Variants in CNBD1 observed in about 807,000 individuals in gnomAD.
CNBD1 encodes the protein cyclic nucleotide binding domain containing 1, also known as cyclic nucleotide-binding domain-containing protein 1.
Under a neutral mutation model 54.4 loss-of-function variants are expected in CNBD1, and 71 were observed. The ratio of observed to expected loss-of-function variants is 1.30; its 90% CI spans 1.08 to 1.59. CNBD1 has a LOEUF of 1.59. CNBD1 is among the 40% of genes most tolerant of loss of function. The pLI is 0.00. For synonymous variants in CNBD1, 182 were observed against 170.7 expected (o/e 1.07, Z -0.51); for missense variants, 659 against 518.0 (o/e 1.27, Z -2.64).
chr8:86,881,899 A>C (rs1251458597), intron 1 of CNBD1, among the ~76,000 whole-genome samples: 1 of 152,174 alleles, frequency 6.6e-6, no homozygotes, highest in Non-Finnish European at 1.5e-5. Flanking sequence ...CAAGCCTGAC[A>C]AAAATAGGTA....
At chr8:87,069,521 A>G (rs1810719369) in intron 4 of CNBD1, among the ~76,000 whole-genome samples, 1 of 152,084 alleles carries the variant, frequency 6.6e-6, no homozygotes, top group African/African-American at 2.4e-5. Flanking sequence ...AGGCTATACC[A>G]TATAGCCTAG....
intron 2 of CNBD1, among the ~76,000 whole-genome samples, chr8:87,403,987 T>C (rs549243605): frequency 3.5e-4 from 54 of 152,174 alleles, no homozygotes; most frequent in Admixed American, 5.9e-4. Context: ...TTCTTTTAGT[T>C]TACACTTCAG....
intron 5 of CNBD1, among the ~76,000 whole-genome samples, chr8:87,214,777 C>T (rs1021021677): frequency 2.0e-5 from 3 of 152,174 alleles, no homozygotes; most frequent in African/African-American, 7.2e-5. Context: ...GAGAGCCAAG[C>T]GAAAATGGAA....
At chr8:87,385,574 G>A (rs533020790), downstream of CNBD1, among the ~76,000 whole-genome samples, 7 of 152,230 alleles carry the variant, frequency 4.6e-5, no homozygotes, top group East Asian at 1.4e-3. Context: ...TGGGGGAGGG[G>A]CGCCCACCGT....
intron 3 of CNBD1, among the ~76,000 whole-genome samples, chr8:86,932,899 G>A (rs573934095): frequency 4.0e-5 from 6 of 151,808 alleles, no homozygotes; most frequent in African/African-American, 7.3e-5. Flanking sequence ...GAATAGTTGC[G>A]CTCACTGAAG....
chr8:87,165,135 A>G (rs1010204766), intron 4 of CNBD1, among the ~76,000 whole-genome samples: 1 of 151,866 alleles, frequency 6.6e-6, no homozygotes, highest in African/African-American at 2.4e-5. Context: ...ACTTGATTAA[A>G]TTCAGTCTCC....
chr8:86,921,351 T>C (rs188038836), intron 3 of CNBD1, among the ~76,000 whole-genome samples: 69 of 152,266 alleles, frequency 4.5e-4, no homozygotes, highest in Non-Finnish European at 7.8e-4. Flanking sequence ...GTGTTTTTTT[T>C]TAAGTCAGCC....
intron 8 of CNBD1, among the ~76,000 whole-genome samples, chr8:87,311,909 A>G (rs973185999): frequency 2.0e-5 from 3 of 152,084 alleles, no homozygotes. Flanking sequence ...ACTCATGGAC[A>G]TAAAGGTGCC....
At chr8:87,077,527 A>G (rs1810898905) in intron 4 of CNBD1, among the ~76,000 whole-genome samples, 1 of 149,052 alleles carries the variant, frequency 6.7e-6, no homozygotes, top group Admixed American at 6.7e-5. Flanking sequence ...CGTCATTTAC[A>G]TTAGGTATTT....
At chr8:87,334,724 C>CT (rs1227796537) in intron 8 of CNBD1, among the ~76,000 whole-genome samples, 113 of 113,228 alleles carry the variant, frequency 1.0e-3, no homozygotes, top group South Asian at 1.9e-3. Flanking sequence ...TTTTTCTTTT[C>CT]TTTTTTTTTT....
intron 4 of CNBD1, among the ~76,000 whole-genome samples, chr8:87,165,809 T>C (rs1270640607): frequency 6.6e-6 from 1 of 152,008 alleles, no homozygotes; most frequent in Non-Finnish European, 1.5e-5. Flanking sequence ...CATTACCACT[T>C]GGTTTTTATT....
chr8:87,276,437 A>G (rs568492666), intron 6 of CNBD1, among the ~76,000 whole-genome samples: 132 of 151,988 alleles, frequency 8.7e-4, no homozygotes, highest in Middle Eastern at 6.8e-3. Context: ...CTTGGATGCC[A>G]TGGTCTGGTT....
At chr8:87,061,626 AT>A (rs1039606518) in intron 4 of CNBD1, among the ~76,000 whole-genome samples, 2 of 152,122 alleles carry the variant, frequency 1.3e-5, no homozygotes, top group African/African-American at 4.8e-5. Context: ...CCATTCTGAG[AT>A]TTGTTTAAGA....
intron 6 of CNBD1, among the ~76,000 whole-genome samples, chr8:87,277,945 T>C (rs896458385): frequency 1.3e-5 from 2 of 151,626 alleles, no homozygotes; most frequent in East Asian, 3.9e-4. Context: ...ACAATAATAA[T>C]AATATTTCCA....
intron 2 of CNBD1, among the ~76,000 whole-genome samples, chr8:87,395,264 A>G (rs1009190389): frequency 6.6e-6 from 1 of 151,940 alleles, no homozygotes; most frequent in Non-Finnish European, 1.5e-5. Context: ...ATGAGGATAC[A>G]TAGCTTCCTG....
intron 4 of CNBD1, among the ~76,000 whole-genome samples, chr8:87,200,534 CAA>C (rs1212369565): frequency 2.6e-5 from 4 of 151,840 alleles, no homozygotes; most frequent in Non-Finnish European, 5.9e-5. Context: ...AAGAAAAAAG[CAA>C]AGAGAAGACT....
intron 8 of CNBD1, among the ~76,000 whole-genome samples, chr8:87,289,481 T>A (rs1160338114): frequency 1.3e-5 from 2 of 152,112 alleles, no homozygotes; most frequent in Non-Finnish European, 2.9e-5. Flanking sequence ...ATCAACCTGT[T>A]CCCATGTGTA....
intron 10 of CNBD1, among the ~76,000 whole-genome samples, chr8:87,364,855 G>A (rs188776600): frequency 1.6e-4 from 24 of 152,068 alleles, no homozygotes; most frequent in Non-Finnish European, 3.4e-4. Context: ...GTATTCCATG[G>A]TGTATGTGTA....
intron 4 of CNBD1, among the ~76,000 whole-genome samples, chr8:87,029,874 A>T (rs1023389910): frequency 6.6e-6 from 1 of 152,154 alleles, no homozygotes; most frequent in African/African-American, 2.4e-5. Context: ...TTGAGGGTAC[A>T]TTTCCTAAAA....
Sources: gnomAD v4.1 joint callset for allele counts (sites outside exome capture counted in the v4.1 genomes callset) on GRCh38, gnomAD v4.1.1 for gene constraint, MANE v1.5 for transcripts, NCBI Gene and HGNC (gene_info 2026-07-23, HGNC 2026-07-21) for gene names.